KCNC2: variants seen among roughly 807,000 people sequenced by gnomAD.
KCNC2 encodes potassium voltage-gated channel subfamily C member 2.
Under a neutral mutation model 44.5 loss-of-function variants are expected in KCNC2, and 21 were observed. The observed-to-expected ratio is 0.47, with a 90% CI of 0.33 to 0.68. KCNC2 has a LOEUF of 0.68. Ranked by LOEUF, KCNC2 falls within the 30% of genes least tolerant of loss-of-function variation. The probability of loss-of-function intolerance (pLI) is 0.01; values close to 1 mark genes in which losing one functional copy is unlikely to be tolerated. For missense variants in KCNC2, 589 were observed against 826.2 expected (o/e 0.71, Z 3.52); for synonymous variants, 391 against 339.1 (o/e 1.15, Z -1.68).
intron 2 of KCNC2, among the ~76,000 whole-genome samples, chr12:75,134,247 C>T (rs1046749036): frequency 5.9e-5 from 9 of 151,760 alleles, no homozygotes; most frequent in African/African-American, 2.2e-4. Flanking sequence ...AAAATTAAAG[C>T]ATAGTGAACT....
intron 2 of KCNC2, among the ~76,000 whole-genome samples, chr12:75,100,434 A>T (rs918145143): frequency 1.3e-5 from 2 of 152,110 alleles, no homozygotes; most frequent in Non-Finnish European, 2.9e-5. Context: ...AGGCTCTTTA[A>T]ATGTTAAAAT....
chr12:75,136,041 T>C (rs1474022435), intron 2 of KCNC2, among the ~76,000 whole-genome samples: 1 of 152,030 alleles, frequency 6.6e-6, no homozygotes, highest in East Asian at 1.9e-4. Flanking sequence ...CTCAGCTCTA[T>C]TATCCTTTTT....
At position 75,050,802 on chromosome 12, in the gene KCNC2, G is replaced by A. The variant is rs1444720659; in HGVS notation, c.1203C>T (p.Tyr401=). Residue 401 remains tyrosine (Y), a synonymous_variant, in exon 3 of 5, where the codon TAC becomes TAT. Coordinates refer to ENST00000549446, the MANE Select transcript of KCNC2 (RefSeq NM_139137.4). ...GTTGAGCTCCCACTCTCTCGGCATA[G>A]TAGATCATGGTAGCAAATATCAAAA... ...LGVLIFATMI[Y]YAERVGAQPN... 1 of 1,613,470 alleles carries A rather than the reference G, an allele frequency of 6.2e-7. No homozygotes were observed. Among genetic ancestry groups the A allele is most frequent in the South Asian group, 1.1e-5 (1 of 91,056 alleles).
chr12:75,118,865 A>T (rs1887856074), intron 2 of KCNC2, among the ~76,000 whole-genome samples: 1 of 152,192 alleles, frequency 6.6e-6, no homozygotes, highest in Admixed American at 6.5e-5. Flanking sequence ...AACCGGACAG[A>T]ATATAATAGA....
At chr12:75,098,756 T>TAAATAAA (rs1886139561) in intron 2 of KCNC2, among the ~76,000 whole-genome samples, 1 of 145,674 alleles carries the variant, frequency 6.9e-6, no homozygotes, top group African/African-American at 2.6e-5. Context: ...AGACTCTGTC[T>TAAATAAA]TAAATAAATA....
At chr12:75,099,649 C>T (rs1304956316) in intron 2 of KCNC2, among the ~76,000 whole-genome samples, 1 of 152,282 alleles carries the variant, frequency 6.6e-6, no homozygotes, top group Admixed American at 6.5e-5. Flanking sequence ...AATGATCAAT[C>T]ATTTGAGGGA....
intron 2 of KCNC2, among the ~76,000 whole-genome samples, chr12:75,143,238 C>T (rs1457384226): frequency 6.6e-5 from 10 of 152,132 alleles, no homozygotes; most frequent in South Asian, 4.1e-4. Context: ...TTGACCTCGG[C>T]GATCTCCAAG....
At chr12:75,138,515 A>G (rs1173824193) in intron 2 of KCNC2, among the ~76,000 whole-genome samples, 23 of 152,210 alleles carry the variant, frequency 1.5e-4, no homozygotes. Flanking sequence ...TAGAATATTT[A>G]TGGTAGAGCA....
chr12:75,140,048 A>G (rs917958649), intron 2 of KCNC2: 3 of 152,184 alleles, frequency 2.0e-5, no homozygotes, highest in African/African-American at 7.2e-5. Flanking sequence ...GGATTCTGCA[A>G]TTTGGACAGT....
Position 75,043,055 on chromosome 12 carries a change from G to A in KCNC2, c.*50C>T. On this transcript the variant is annotated 3_prime_UTR_variant, in exon 5 of 5. Transcript: ENST00000549446. The stretch of plus-strand genomic sequence containing the variant: ...AATTATTTCCATTATGGGGTAAACA[G>A]CACTTGAATTAATACAATTTAGCCG... 2 of 1,606,104 alleles carry A rather than the reference G, an allele frequency of 1.2e-6. No individual in the cohort carries two copies. The highest frequency in any genetic ancestry group is 2.2e-5 in the South Asian group (2 of 90,376).
At chr12:75,165,969 T>A (rs1891422347) in intron 2 of KCNC2, among the ~76,000 whole-genome samples, 1 of 151,298 alleles carries the variant, frequency 6.6e-6, no homozygotes, top group African/African-American at 2.4e-5. Flanking sequence ...AAGACAGAGA[T>A]TGACAGAATG....
In KCNC2 at chr12:75,207,476, C is replaced by G. The variant is rs765810270; in HGVS notation, c.508G>C (p.Glu170Gln). Residue 170 changes from glutamate (E) to glutamine (Q), a missense_variant, in exon 2 of 5, where the codon GAG (glutamate) becomes CAG (glutamine). This residue lies in a region of KCNC2 where 97 missense variants were observed against 73.3 expected (regional missense o/e 1.32). Coordinates refer to ENST00000549446, the MANE Select transcript of KCNC2 (RefSeq NM_139137.4). The surrounding 1 kb of genome is among the most constrained non-coding windows in gnomAD (Gnocchi z 4.1). ...TCGCCGCCAATGAGGTCGGGGGTCT[C>G]GAAGATGTCCAGCGCCTCCTCGGCG... ...RDAEEALDIF[E>Q]TPDLIGGDPG... 2 of 1,612,450 alleles carry G rather than the reference C, an allele frequency of 1.2e-6. No homozygotes were observed. Among genetic ancestry groups the G allele is most frequent in the Non-Finnish European group, 1.7e-6 (2 of 1,179,742 alleles).
intron 2 of KCNC2, among the ~76,000 whole-genome samples, chr12:75,063,299 C>T (rs920765451): frequency 6.6e-6 from 1 of 151,916 alleles, no homozygotes; most frequent in African/African-American, 2.4e-5. Flanking sequence ...ATGTTCAACT[C>T]CTATGTTGAG....
intron 2 of KCNC2, among the ~76,000 whole-genome samples, chr12:75,137,701 A>G (rs975336910): frequency 2.0e-5 from 3 of 152,184 alleles, no homozygotes; most frequent in Non-Finnish European, 4.4e-5. Flanking sequence ...AGTCAATATG[A>G]CCTTTAAAAC....
intron 2 of KCNC2, among the ~76,000 whole-genome samples, chr12:75,103,503 G>C (rs1258787357): frequency 6.6e-6 from 1 of 152,126 alleles, no homozygotes; most frequent in Non-Finnish European, 1.5e-5. Flanking sequence ...CAATTTGCTG[G>C]ATGCCTATAT....
At chr12:75,107,080 A>G (rs1210101009) in intron 2 of KCNC2, among the ~76,000 whole-genome samples, 1 of 152,094 alleles carries the variant, frequency 6.6e-6, no homozygotes, top group Non-Finnish European at 1.5e-5. Context: ...TGAGGGGGGC[A>G]GATCATGAGG....
chr12:75,198,059 TTAATTAAAGACAATCCTGC>T (rs1381232290), intron 2 of KCNC2, among the ~76,000 whole-genome samples: 18 of 152,076 alleles, frequency 1.2e-4, no homozygotes, highest in African/African-American at 4.3e-4. Context: ...CATGAGGCAA[TTAATTAAAGACAATCCTGC>T]TTTTGCATCA....
At chr12:75,199,914 TG>T (rs2031097072) in intron 2 of KCNC2, among the ~76,000 whole-genome samples, 1 of 151,850 alleles carries the variant, frequency 6.6e-6, no homozygotes, top group Non-Finnish European at 1.5e-5. Context: ...GGTAAGCTCC[TG>T]CAGGTCTTCT....
intron 2 of KCNC2, among the ~76,000 whole-genome samples, chr12:75,189,318 G>A (rs2029968353): frequency 6.6e-6 from 1 of 152,190 alleles, no homozygotes; most frequent in African/African-American, 2.4e-5. Flanking sequence ...AACCAGCGGT[G>A]TAACAGAGGA....
Sources: gnomAD v4.1 joint callset for allele counts (sites outside exome capture counted in the v4.1 genomes callset) on GRCh38, gnomAD v4.1.1 for gene constraint, gnomAD v4.1.1 regional missense constraint, Gnocchi (gnomAD v3.1) non-coding constraint, MANE v1.5 for transcripts, NCBI Gene and HGNC (gene_info 2026-07-23, HGNC 2026-07-21) for gene names.